The following ABTB2 variants were observed in gnomAD, a reference collection of about 807,000 sequenced individuals.
ABTB2 encodes ankyrin repeat and BTB/POZ domain-containing protein 2.
Under a neutral mutation model 104.1 loss-of-function variants are expected in ABTB2, and 56 were observed. That is an observed-to-expected ratio of 0.54 (90% CI 0.43 to 0.67). ABTB2 has a LOEUF of 0.67. Ranked by LOEUF, ABTB2 falls within the 30% of genes least tolerant of loss-of-function variation. ABTB2 has a pLI of 0.00. For missense variants in ABTB2, 1,279 were observed against 1,407.7 expected (o/e 0.91, Z 1.46); for synonymous variants, 606 against 608.2 (o/e 1.00, Z 0.05).
At chr11:34,262,453 G>A (rs369846383) in intron 1 of ABTB2, among the ~76,000 whole-genome samples, 1 of 152,228 alleles carries the variant, frequency 6.6e-6, no homozygotes, top group African/African-American at 2.4e-5. Context: ...CAGATCCAGC[G>A]GAACTAGACA....
chr11:34,256,416 C>T (rs1854123708), intron 1 of ABTB2, among the ~76,000 whole-genome samples: 1 of 152,158 alleles, frequency 6.6e-6, no homozygotes. Flanking sequence ...GGGTTTCTAG[C>T]AGAGAAACAA....
chr11:34,219,312 G>A (rs1343421662), intron 1 of ABTB2, among the ~76,000 whole-genome samples: 1 of 151,934 alleles, frequency 6.6e-6, no homozygotes, highest in Non-Finnish European at 1.5e-5. Flanking sequence ...TAGCCCTTTG[G>A]GAGACCAAGC....
intron 5 of ABTB2, among the ~76,000 whole-genome samples, chr11:34,169,340 A>G (rs1852839587): frequency 6.6e-6 from 1 of 152,180 alleles, no homozygotes; most frequent in African/African-American, 2.4e-5. Context: ...ATCAACAGCA[A>G]TACGACTACA....
chr11:34,165,369 C>A lies in ABTB2; in HGVS notation c.1756-13G>T, dbSNP rs1852785050. The stretch of plus-strand genomic sequence containing the variant: ...CATCCAGCAGCAACTGCCAGGGGCA[C>A]AGAGGAGGAGGGCACTGCTCAGCGT... On this transcript the variant is annotated splice_polypyrimidine_tract_variant and intron_variant, in intron 7 of 16. Transcript: ENST00000435224. 3.2e-6 allele frequency: 5 copies of A among 1,579,060 alleles called. No individual in the cohort carries two copies. Among genetic ancestry groups the A allele is most frequent in the Non-Finnish European group, 4.3e-6 (5 of 1,163,160 alleles).
At chr11:34,280,568 A>G (rs1037444140) in intron 1 of ABTB2, among the ~76,000 whole-genome samples, 2 of 152,068 alleles carry the variant, frequency 1.3e-5, no homozygotes, top group South Asian at 4.1e-4. Context: ...CTGCTAACAT[A>G]ATAAGCATGT....
chr11:34,162,911 C>G, intron 9 of ABTB2, 106 bp from the exon 10 acceptor site: 1 of 1,121,008 alleles, frequency 8.9e-7, no homozygotes, highest in Non-Finnish European at 1.3e-6. Context: ...CTCTGGGGTA[C>G]CCGAGGGCTC....
intron 1 of ABTB2, among the ~76,000 whole-genome samples, chr11:34,220,666 G>C (rs1853609712): frequency 6.6e-6 from 1 of 152,160 alleles, no homozygotes; most frequent in Non-Finnish European, 1.5e-5. Context: ...GTCTCACCCA[G>C]CAGCTAAAAG....
At chr11:34,161,204 GC>G (rs1852716986) in intron 10 of ABTB2, 123 bp from the exon 11 acceptor site, 1 of 905,266 alleles carries the variant, frequency 1.1e-6, no homozygotes, top group South Asian at 1.8e-5. Flanking sequence ...CACCCCGCCC[GC>G]CCCCTCCCGC....
chr11:34,241,982 T>C (rs1853924074), intron 1 of ABTB2, among the ~76,000 whole-genome samples: 1 of 152,204 alleles, frequency 6.6e-6, no homozygotes, highest in Admixed American at 6.5e-5. Context: ...CCTGGCCCCT[T>C]GTTTGCTTCA....
chr11:34,204,658 A>G lies in ABTB2; in HGVS notation c.916T>C (p.Tyr306His). The stretch of plus-strand genomic sequence containing the variant: ...TCATGGCCCAGGGACCCGCCGTTGT[A>G]GGGGCTGAAGTATGCGGGGAGGGAG... ...VLSLPAYFSP[Y>H]NGGSLGHDER... Residue 306 changes from tyrosine to histidine, a missense_variant, in exon 2 of 17, where the codon TAC (tyrosine) becomes CAC (histidine). Tyr to His is a moderately conservative substitution (Grantham distance 83). Transcript: ENST00000435224. 6.2e-7 allele frequency: 1 copy of G among 1,613,952 alleles called. No individual in the cohort carries two copies. The highest frequency in any genetic ancestry group is 8.5e-7 in the Non-Finnish European group (1 of 1,179,950).
At chr11:34,213,728 A>C (rs1173976456) in intron 1 of ABTB2, among the ~76,000 whole-genome samples, 3 of 152,200 alleles carry the variant, frequency 2.0e-5, no homozygotes, top group Non-Finnish European at 4.4e-5. Flanking sequence ...TCTTTGCAAA[A>C]GAGTATAAAA....
chr11:34,166,771 T>A (rs1050118220), intron 7 of ABTB2, among the ~76,000 whole-genome samples: 2 of 152,226 alleles, frequency 1.3e-5, no homozygotes, highest in Non-Finnish European at 2.9e-5. Flanking sequence ...TGAGCTGAGG[T>A]GGGCAACCTG....
In ABTB2 at chr11:34,167,903, C is replaced by T; in HGVS notation, c.1653G>A (p.Gln551=). ...GTGCAGCTCTGTGGGGCTTCCTCAC[C>T]TGGATGTCCAAGTTTGCCCCAGCAT... The part of the protein sequence containing the change: ...LIDAGANLDI[Q]VPSNSPRHPS... The change falls in exon 6 of 17, where the codon CAG becomes CAA. Residue 551 remains glutamine, a splice_region_variant and synonymous_variant. Transcript: ENST00000435224. The T allele has an allele frequency of 6.2e-7, 1 of 1,614,214 alleles. No homozygotes were observed. Among genetic ancestry groups the T allele is most frequent in the Non-Finnish European group, 8.5e-7 (1 of 1,180,032 alleles).
intron 1 of ABTB2, among the ~76,000 whole-genome samples, chr11:34,315,149 G>A (rs146739094): frequency 4.7e-4 from 71 of 152,348 alleles, no homozygotes; most frequent in South Asian, 3.1e-3. Flanking sequence ...ATGAGGCCAC[G>A]TGAGCGCAGA....
intron 2 of ABTB2, among the ~76,000 whole-genome samples, chr11:34,202,125 G>A (rs1017893783): frequency 2.6e-5 from 4 of 152,222 alleles, no homozygotes; most frequent in African/African-American, 7.2e-5. Flanking sequence ...TAAACTATTC[G>A]TAAGTAAATA....
chr11:34,259,258 A>G (rs1205885962), intron 1 of ABTB2, among the ~76,000 whole-genome samples: 1 of 152,178 alleles, frequency 6.6e-6, no homozygotes, highest in Non-Finnish European at 1.5e-5. Flanking sequence ...GGCTTTTGCT[A>G]GTCAGCACCA....
At position 34,320,097 on chromosome 11, in the gene ABTB2, T is replaced by G. The variant is rs571601923; in HGVS notation, c.883+36604A>C. On this transcript the variant is annotated intron_variant, in intron 1 of 16. Transcript: ENST00000435224. ...AAAATGAGCTAGTGAGTATAAAGCA[T>G]TTAGTTCAGTACTTGAAACATACTA... Among the ~76,000 whole-genome samples the G allele has an allele frequency of 9.2e-5, 14 of 152,332 alleles. No individual in the cohort carries two copies. In the South Asian group the frequency reaches 2.1e-3, roughly 23 times the overall value.
chr11:34,295,894 A>G (rs534854856), intron 1 of ABTB2, among the ~76,000 whole-genome samples: 1 of 152,270 alleles, frequency 6.6e-6, no homozygotes, highest in Non-Finnish European at 1.5e-5. Flanking sequence ...TGACCTAATC[A>G]CTTCCAAAGG....
chr11:34,202,620 A>C (rs1853358028), intron 2 of ABTB2, among the ~76,000 whole-genome samples: 1 of 152,098 alleles, frequency 6.6e-6, no homozygotes, highest in African/African-American at 2.4e-5. Context: ...GTGGGGAATC[A>C]CTTGAGGTGA....
Sources: gnomAD v4.1 joint callset for allele counts (sites outside exome capture counted in the v4.1 genomes callset) on GRCh38, gnomAD v4.1.1 for gene constraint, MANE v1.5 for transcripts, NCBI Gene and HGNC (gene_info 2026-07-23, HGNC 2026-07-21) for gene names.